Variants in TMEM132C observed in about 807,000 individuals in gnomAD.
TMEM132C encodes the protein protein phosphatase 1, regulatory subunit 152.
TMEM132C carries 29 observed loss-of-function variants against 61.4 expected under a neutral mutation model. The observed-to-expected ratio is 0.47, with a 90% CI of 0.35 to 0.64. The LOEUF (loss-of-function observed/expected upper bound fraction) is 0.64. Among genes scored for constraint, TMEM132C ranks in the 30% least tolerant of loss-of-function variants. The pLI is 0.00. For missense variants in TMEM132C, 1,408 were observed against 1,476.9 expected, an observed-to-expected ratio of 0.95 and a Z score of 0.76; for synonymous variants, 656 against 633.1, an observed-to-expected ratio of 1.04 and a Z score of -0.54.
intron 3 of TMEM132C, among the ~76,000 whole-genome samples, chr12:128,557,076 T>A (rs1874356545): frequency 6.6e-6 from 1 of 151,968 alleles, no homozygotes; most frequent in Non-Finnish European, 1.5e-5. Flanking sequence ...AATATTTTAG[T>A]CCTCTTCTTT....
At chr12:128,662,482 A>C (rs2135621821) in intron 4 of TMEM132C, among the ~76,000 whole-genome samples, 1 of 152,308 alleles carries the variant, frequency 6.6e-6, no homozygotes, top group South Asian at 2.1e-4. Context: ...GATTTAAGGC[A>C]ATTCTCTCTC....
At chr12:128,693,104 G>A (rs1359967034) in intron 5 of TMEM132C, among the ~76,000 whole-genome samples, 2 of 152,168 alleles carry the variant, frequency 1.3e-5, no homozygotes, top group Admixed American at 6.5e-5. Context: ...GGGATGGGAA[G>A]GTGCTCCCAG....
intron 1 of TMEM132C, among the ~76,000 whole-genome samples, chr12:128,340,081 C>T (rs975061358): frequency 2.0e-5 from 3 of 152,166 alleles, no homozygotes; most frequent in East Asian, 1.9e-4. Flanking sequence ...GCACTAGGGG[C>T]GTCTTAAAAT....
At chr12:128,702,306 G>T (rs1197755072) in intron 8 of TMEM132C, among the ~76,000 whole-genome samples, 1 of 149,042 alleles carries the variant, frequency 6.7e-6, no homozygotes, top group South Asian at 2.2e-4. Context: ...TATTTTTGTT[G>T]GTTCGTTTTA....
At chr12:128,448,089 A>G (rs1027064854) in intron 2 of TMEM132C, among the ~76,000 whole-genome samples, 6 of 152,188 alleles carry the variant, frequency 3.9e-5, no homozygotes, top group African/African-American at 1.4e-4. Context: ...GCTGAATGTT[A>G]GATGTGGTAA....
intron 1 of TMEM132C, among the ~76,000 whole-genome samples, chr12:128,309,196 G>A (rs914559029): frequency 2.0e-5 from 3 of 152,162 alleles, no homozygotes; most frequent in East Asian, 1.9e-4. Context: ...AAGCCGTATC[G>A]TTTTGTTTCA....
intron 1 of TMEM132C, among the ~76,000 whole-genome samples, chr12:128,291,594 A>G (rs1457653106): frequency 6.6e-6 from 1 of 152,236 alleles, no homozygotes; most frequent in Non-Finnish European, 1.5e-5. Context: ...CCCAAGGCTC[A>G]GTTGTCCTGC....
chr12:128,584,561 T>C (rs1406884653), intron 3 of TMEM132C, among the ~76,000 whole-genome samples: 2 of 152,230 alleles, frequency 1.3e-5, no homozygotes, highest in Non-Finnish European at 2.9e-5. Flanking sequence ...GCGAATGGTC[T>C]GTAGGGTTAA....
intron 2 of TMEM132C, among the ~76,000 whole-genome samples, chr12:128,451,520 CA>C (rs907820368): frequency 1.1e-4 from 16 of 152,318 alleles, no homozygotes; most frequent in African/African-American, 3.6e-4. Context: ...TATTCTTCCT[CA>C]CACATTCCAA....
intron 1 of TMEM132C, among the ~76,000 whole-genome samples, chr12:128,315,686 G>A (rs1872130482): frequency 6.6e-6 from 1 of 152,236 alleles, no homozygotes; most frequent in East Asian, 1.9e-4. Flanking sequence ...ACCTTATTTG[G>A]AAACAGGGTC....
chr12:128,470,970 T>G (rs1018529081), intron 2 of TMEM132C, among the ~76,000 whole-genome samples: 11 of 152,218 alleles, frequency 7.2e-5, no homozygotes, highest in Admixed American at 6.5e-4. Flanking sequence ...TTCACTCTTC[T>G]TTCATAGATC....
chr12:128,271,428 A>G (rs1870518442), intron 1 of TMEM132C, among the ~76,000 whole-genome samples: 1 of 152,128 alleles, frequency 6.6e-6, no homozygotes, highest in Non-Finnish European at 1.5e-5. Flanking sequence ...TGTCCATTAT[A>G]AAAAAGATTT....
intron 1 of TMEM132C, among the ~76,000 whole-genome samples, chr12:128,304,617 G>C (rs1176718822): frequency 1.0e-5 from 1 of 100,362 alleles, no homozygotes; most frequent in Admixed American, 9.0e-5. Context: ...TCAAAAAAAA[G>C]AAAGAAAGAA....
intron 2 of TMEM132C, among the ~76,000 whole-genome samples, chr12:128,523,078 A>C (rs1240613416): frequency 1.3e-5 from 2 of 152,184 alleles, no homozygotes; most frequent in African/African-American, 4.8e-5. Flanking sequence ...TTCAGCCATA[A>C]AAAGGAAGGA....
At chr12:128,287,459 TTC>T (rs1279049803) in intron 1 of TMEM132C, among the ~76,000 whole-genome samples, 1 of 151,514 alleles carries the variant, frequency 6.6e-6, no homozygotes, top group Non-Finnish European at 1.5e-5. Flanking sequence ...GTCTGAATGT[TTC>T]TCTCTCTCTC....
At chr12:128,426,691 T>TC (rs1565932672) in intron 2 of TMEM132C, among the ~76,000 whole-genome samples, 1 of 151,966 alleles carries the variant, frequency 6.6e-6, no homozygotes, top group African/African-American at 2.4e-5. Context: ...TCCTGCTACA[T>TC]CCCCTGTCCC....
intron 4 of TMEM132C, among the ~76,000 whole-genome samples, chr12:128,665,621 G>GCA (rs139344256): frequency 0.017 from 2,057 of 120,262 alleles, 35 homozygotes; most frequent in South Asian, 0.044. Flanking sequence ...CCAAACACAG[G>GCA]CACACACACA....
chr12:128,541,519 TC>T (rs1175188930), intron 2 of TMEM132C, among the ~76,000 whole-genome samples: 2 of 152,130 alleles, frequency 1.3e-5, no homozygotes, highest in African/African-American at 4.8e-5. Flanking sequence ...ACCAGTCACC[TC>T]CTTAGTGCAC....
chr12:128,321,147 TAATA>T (rs1872320189), intron 1 of TMEM132C, among the ~76,000 whole-genome samples: 1 of 130,716 alleles, frequency 7.7e-6, no homozygotes, highest in African/African-American at 2.8e-5. Flanking sequence ...AAAATAATAA[TAATA>T]ATAATAATAA....
Sources: gnomAD v4.1 joint callset for allele counts (sites outside exome capture counted in the v4.1 genomes callset) on GRCh38, gnomAD v4.1.1 for gene constraint, MANE v1.5 for transcripts, NCBI Gene and HGNC (gene_info 2026-07-23, HGNC 2026-07-21) for gene names.